Variants in FRG1 observed in about 807,000 individuals in gnomAD.
FRG1 encodes the protein FSHD region gene 1, also known as protein FRG1.
In FRG1, 19 loss-of-function variants were observed where a neutral mutation model predicts 37.0. The ratio of observed to expected loss-of-function variants is 0.51; its 90% CI spans 0.36 to 0.75. FRG1 has a LOEUF of 0.75. Among genes scored for constraint, FRG1 ranks in the 30% least tolerant of loss-of-function variants. The pLI, the probability that FRG1 is intolerant of heterozygous loss-of-function variation, is 0.00. For missense variants in FRG1, 243 were observed against 301.4 expected (o/e 0.81, Z 1.44); for synonymous variants, 73 against 96.5 (o/e 0.76, Z 1.43).
At chr4:189,944,339 G>A (rs1415790367) in intron 2 of FRG1, among the ~76,000 whole-genome samples, 1 of 152,076 alleles carries the variant, frequency 6.6e-6, no homozygotes, top group African/African-American at 2.4e-5. Flanking sequence ...ACCACACCCG[G>A]CTAATTTTTT....
chr4:189,951,736 G>A (rs554118588), intron 2 of FRG1, among the ~76,000 whole-genome samples: 7 of 152,054 alleles, frequency 4.6e-5, no homozygotes, highest in Non-Finnish European at 8.8e-5. Context: ...CATGATCATA[G>A]CTCACTATAA....
intron 6 of FRG1, among the ~76,000 whole-genome samples, chr4:189,958,879 G>C (rs1737103630): frequency 6.6e-6 from 1 of 152,198 alleles, no homozygotes. Flanking sequence ...TGGCTTTTCT[G>C]TGTCTTGGCA....
At chr4:189,957,317 A>T in intron 5 of FRG1, 81 bp from the exon 6 acceptor site, 1 of 1,460,596 alleles carries the variant, frequency 6.8e-7, no homozygotes, top group Non-Finnish European at 9.2e-7. Context: ...ATCAGGGAGG[A>T]AAAATTAATT....
At chr4:189,953,721 G>T (rs1444299423) in intron 4 of FRG1, among the ~76,000 whole-genome samples, 1 of 151,638 alleles carries the variant, frequency 6.6e-6, no homozygotes, top group East Asian at 1.9e-4. Context: ...GTCAATTCTG[G>T]CATCCCAGGA....
At chr4:189,958,151 G>A (rs961012341) in intron 6 of FRG1, among the ~76,000 whole-genome samples, 5 of 151,310 alleles carry the variant, frequency 3.3e-5, no homozygotes, top group African/African-American at 4.9e-5. Flanking sequence ...TCTCTCAACA[G>A]CCACATAATA....
chr4:189,943,057 A>G (rs1736384361), intron 1 of FRG1, 145 bp from the exon 2 acceptor site: 2 of 857,062 alleles, frequency 2.3e-6, no homozygotes, highest in Non-Finnish European at 3.5e-6. Context: ...TCAGTACTGT[A>G]TTTAAGAGGG....
chr4:189,950,502 A>C (rs2126807835), intron 2 of FRG1, among the ~76,000 whole-genome samples: 1 of 152,212 alleles, frequency 6.6e-6, no homozygotes, highest in Non-Finnish European at 1.5e-5. Context: ...TTTAGCTCTT[A>C]CATTTAGGTC....
chr4:189,962,525 C>G (rs1383407464), intron 8 of FRG1, among the ~76,000 whole-genome samples: 2 of 152,108 alleles, frequency 1.3e-5, no homozygotes, highest in African/African-American at 4.8e-5. Flanking sequence ...ACCAGCCGCT[C>G]ATTCAAGTCG....
intron 4 of FRG1, among the ~76,000 whole-genome samples, chr4:189,953,408 T>C (rs1736846268): frequency 6.6e-6 from 1 of 152,154 alleles, no homozygotes; most frequent in Non-Finnish European, 1.5e-5. Context: ...CCTGGTTCAC[T>C]GTTGCTGTGA....
At chr4:189,953,227 G>C in intron 4 of FRG1, 102 bp downstream of exon 4, 1 of 1,401,992 alleles carries the variant, frequency 7.1e-7, no homozygotes, top group East Asian at 2.6e-5. Context: ...GGGTAATTTT[G>C]ATGTAAAAAA....
intron 2 of FRG1, 28 bp from the exon 3 acceptor site, chr4:189,952,134 A>T: frequency 1.3e-6 from 2 of 1,493,104 alleles, no homozygotes; most frequent in East Asian, 2.3e-5. Context: ...CTAAAATATA[A>T]AGTTGAAATA....
intron 2 of FRG1, among the ~76,000 whole-genome samples, chr4:189,950,792 T>C (rs6553397): frequency 1 from 152,309 of 152,312 alleles, 76,153 homozygotes; most frequent in Middle Eastern, 1. Context: ...TTTACACACA[T>C]GCCCCCACAC....
intron 2 of FRG1, among the ~76,000 whole-genome samples, 200 bp from the exon 3 acceptor site, chr4:189,951,962 T>A (rs12646667): frequency 2.0e-5 from 3 of 152,034 alleles, no homozygotes; most frequent in Non-Finnish European, 4.4e-5. Context: ...TTATATCAAT[T>A]TCAGTTTCCT....
intron 6 of FRG1, among the ~76,000 whole-genome samples, chr4:189,957,953 T>G (rs550935898): frequency 1.1e-3 from 170 of 152,204 alleles, no homozygotes; most frequent in African/African-American, 3.9e-3. Flanking sequence ...TTTTATAGCC[T>G]CCTAAAATTT....
At chr4:189,942,692 A>G (rs879605956) in intron 1 of FRG1, among the ~76,000 whole-genome samples, 3 of 152,076 alleles carry the variant, frequency 2.0e-5, no homozygotes, top group Non-Finnish European at 4.4e-5. Context: ...TTGTGGGTGT[A>G]TGTTTTCATT....
chr4:189,942,416 TC>T (rs1440712568), intron 1 of FRG1, among the ~76,000 whole-genome samples: 7 of 152,300 alleles, frequency 4.6e-5, no homozygotes, highest in African/African-American at 1.7e-4. Context: ...CAACCACTAA[TC>T]CGCTCTCTAT....
At chr4:189,947,994 GA>G (rs1193729379) in intron 2 of FRG1, among the ~76,000 whole-genome samples, 2 of 152,100 alleles carry the variant, frequency 1.3e-5, no homozygotes, top group Non-Finnish European at 2.9e-5. Flanking sequence ...TCCAATCTCT[GA>G]AAACAGTTTT....
At chr4:189,947,366 C>A (rs1340807958) in intron 2 of FRG1, among the ~76,000 whole-genome samples, 1 of 152,192 alleles carries the variant, frequency 6.6e-6, no homozygotes, top group Non-Finnish European at 1.5e-5. Context: ...CTTATAAATT[C>A]AGTCTTTCAT....
chr4:189,962,345 TTTA>T (rs1737272723), intron 8 of FRG1, among the ~76,000 whole-genome samples: 1 of 152,144 alleles, frequency 6.6e-6, no homozygotes, highest in Non-Finnish European at 1.5e-5. Flanking sequence ...TTGAAGCAGT[TTTA>T]TTATAAGATT....
Sources: allele counts gnomAD v4.1 joint callset (sites outside exome capture counted in the v4.1 genomes callset), GRCh38; gene constraint gnomAD v4.1.1; transcripts MANE v1.5; gene names NCBI Gene and HGNC (gene_info 2026-07-23, HGNC 2026-07-21).